The following CRIM1 variants were observed in gnomAD, a reference collection of about 807,000 sequenced individuals.
The protein encoded by CRIM1 is cysteine-rich motor neuron 1 protein.
Under a neutral mutation model 116.4 loss-of-function variants are expected in CRIM1, and 32 were observed. That is an observed-to-expected ratio of 0.27 (90% CI 0.21 to 0.37). The LOEUF is 0.37. Among genes scored for constraint, CRIM1 ranks in the 10% least tolerant of loss-of-function variants. CRIM1 has a pLI of 1.00. For missense variants in CRIM1, 1,331 were observed against 1,354.8 expected (o/e 0.98, Z 0.28); for synonymous variants, 590 against 509.2 (o/e 1.16, Z -2.13).
intron 2 of CRIM1, among the ~76,000 whole-genome samples, chr2:36,440,209 G>A (rs1174852277): frequency 6.6e-6 from 1 of 152,152 alleles, no homozygotes; most frequent in Non-Finnish European, 1.5e-5. Context: ...GGCCTCAGAC[G>A]TTCTTTATCT....
At chr2:36,543,971 G>C (rs911227761) in intron 14 of CRIM1, among the ~76,000 whole-genome samples, 3 of 152,098 alleles carry the variant, frequency 2.0e-5, no homozygotes, top group African/African-American at 7.2e-5. Context: ...TTCAAGTTTT[G>C]CTAACATATT....
intron 13 of CRIM1, among the ~76,000 whole-genome samples, chr2:36,525,288 C>T (rs1397288118): frequency 2.0e-5 from 3 of 152,174 alleles, no homozygotes; most frequent in Non-Finnish European, 2.9e-5. Context: ...TCTAAACATA[C>T]GAAGTCAAGT....
chr2:36,383,980 A>G (rs1177798446), intron 1 of CRIM1, among the ~76,000 whole-genome samples: 2 of 152,216 alleles, frequency 1.3e-5, no homozygotes, highest in South Asian at 2.1e-4. Context: ...ATTCTTACCA[A>G]CTGGAGCTTT....
rs1370283780 is a variant in CRIM1, at chr2:36,476,886, C to T, written c.992-3C>T. 2 of 1,606,332 alleles carry T rather than the reference C, an allele frequency of 1.2e-6. No individual in the cohort carries two copies. Among genetic ancestry groups the T allele is most frequent in the East Asian group, 2.2e-5 (1 of 44,498 alleles). ...ATGCCTTGTTTGTTTTAACTCTTTT[C>T]AGATACAAAGCCAGCCTGCGTATTT... On this transcript the variant is annotated splice_region_variant and splice_polypyrimidine_tract_variant and intron_variant, in intron 5 of 16. Coordinates refer to ENST00000280527, the MANE Select transcript of CRIM1 (RefSeq NM_016441.3).
intron 3 of CRIM1, 88 bp from the exon 4 acceptor site, chr2:36,442,527 C>G (rs3821157): frequency 6.6e-7 from 1 of 1,522,132 alleles, no homozygotes; most frequent in Non-Finnish European, 9.1e-7. Flanking sequence ...AGACTTTGGA[C>G]ATTTGTCAAG....
chr2:36,411,994 C>G (rs914441988), intron 2 of CRIM1, among the ~76,000 whole-genome samples: 1 of 152,182 alleles, frequency 6.6e-6, no homozygotes. Context: ...CTATCTGCTT[C>G]CCGCACACTA....
intron 1 of CRIM1, among the ~76,000 whole-genome samples, chr2:36,368,676 C>T (rs1394936536): frequency 6.6e-6 from 1 of 152,102 alleles, no homozygotes; most frequent in African/African-American, 2.4e-5. Flanking sequence ...TGAAATATTC[C>T]ATTTGGGAGT....
At chr2:36,400,944 A>T (rs1170086691) in intron 2 of CRIM1, among the ~76,000 whole-genome samples, 1 of 152,042 alleles carries the variant, frequency 6.6e-6, no homozygotes, top group Non-Finnish European at 1.5e-5. Context: ...CTCTTCTTTG[A>T]GTAGTTTATA....
At chr2:36,462,989 C>G (rs541431030) in intron 4 of CRIM1, among the ~76,000 whole-genome samples, 29 of 152,276 alleles carry the variant, frequency 1.9e-4, no homozygotes, top group Admixed American at 3.9e-4. Context: ...GCTCCAAGCT[C>G]TACTCACACA....
At chr2:36,417,842 A>C (rs778229007) in intron 2 of CRIM1, among the ~76,000 whole-genome samples, 42 of 152,230 alleles carry the variant, frequency 2.8e-4, no homozygotes, top group Non-Finnish European at 2.8e-4. Context: ...AGAAAAATGC[A>C]CAGGATTACT....
rs190908919 is a variant in CRIM1 at position 36,480,291 on chromosome 2, C to G, written c.1372+597C>G. On this transcript the variant is annotated intron_variant, in intron 7 of 16. Coordinates refer to ENST00000280527, the MANE Select transcript of CRIM1 (RefSeq NM_016441.3). ...AGGCATCCTGGACTAGTTTTTCTGT[C>G]CCGACTCCTATTCCAGCTCATTTCC... Among the ~76,000 whole-genome samples, 482 of 152,284 alleles carry G rather than the reference C, an allele frequency of 3.2e-3. 5 individuals are homozygous for G. The highest frequency in any genetic ancestry group is 0.011 in the African/African-American group (453 of 41,562).
At chr2:36,536,541 C>A (rs376374339) in intron 13 of CRIM1, among the ~76,000 whole-genome samples, 20 of 152,252 alleles carry the variant, frequency 1.3e-4, no homozygotes, top group African/African-American at 4.8e-4. Context: ...GTCCTTGGGG[C>A]CTCACTCTGA....
chr2:36,475,674 C>T (rs1678918578), intron 5 of CRIM1, among the ~76,000 whole-genome samples: 1 of 152,194 alleles, frequency 6.6e-6, no homozygotes, highest in South Asian at 2.1e-4. Context: ...AGGGGGAAAG[C>T]ACTTGGACTT....
At chr2:36,378,651 G>A (rs371854938) in intron 1 of CRIM1, 1 of 203,132 alleles carries the variant, frequency 4.9e-6, no homozygotes, top group Non-Finnish European at 1.0e-5. Context: ...TGTCCTAAAG[G>A]TAAAAGATTT....
intron 4 of CRIM1, among the ~76,000 whole-genome samples, chr2:36,455,586 A>T (rs376223853): frequency 1.1e-4 from 16 of 152,260 alleles, no homozygotes; most frequent in African/African-American, 3.4e-4. Flanking sequence ...GAGTCACCGG[A>T]AGGGAAGGTT....
chr2:36,403,212 G>T (rs574164277), intron 2 of CRIM1, among the ~76,000 whole-genome samples: 2 of 152,332 alleles, frequency 1.3e-5, no homozygotes, highest in South Asian at 4.2e-4. Context: ...GTGGAACCTA[G>T]TGCTGCTTGC....
chr2:36,441,118 A>G (rs1022443279), intron 2 of CRIM1, 140 bp from the exon 3 acceptor site: 3 of 1,141,458 alleles, frequency 2.6e-6, no homozygotes, highest in African/African-American at 3.1e-5. Context: ...TAGTTAAACT[A>G]AGTTTGAAGG....
chr2:36,358,966 C>T (rs1464213653), intron 1 of CRIM1, among the ~76,000 whole-genome samples: 1 of 152,164 alleles, frequency 6.6e-6, no homozygotes, highest in Non-Finnish European at 1.5e-5. Context: ...AACCGCCCCC[C>T]GCCTGCCATT....
chr2:36,544,033 C>T (rs892698174), intron 14 of CRIM1, among the ~76,000 whole-genome samples: 2 of 152,170 alleles, frequency 1.3e-5, no homozygotes, highest in Admixed American at 6.5e-5. Flanking sequence ...CTATTAAACA[C>T]CAACATTTAT....
Sources: gnomAD v4.1 joint callset for allele counts (sites outside exome capture counted in the v4.1 genomes callset) on GRCh38, gnomAD v4.1.1 for gene constraint, MANE v1.5 for transcripts, NCBI Gene and HGNC (gene_info 2026-07-23, HGNC 2026-07-21) for gene names.